The following CLSTN2 variants were observed in gnomAD, a reference collection of about 807,000 sequenced individuals.
CLSTN2 encodes the protein calsyntenin-2.
A neutral mutation model predicts 101.2 loss-of-function variants in CLSTN2; 48 were observed. The observed-to-expected ratio is 0.47, with a 90% CI of 0.38 to 0.60. The LOEUF (loss-of-function observed/expected upper bound fraction) is 0.60. CLSTN2 is among the 20% of genes least tolerant of loss of function. The pLI, the probability that CLSTN2 is intolerant of heterozygous loss-of-function variation, is 0.00. For missense variants in CLSTN2, 1,160 were observed against 1,238.2 expected (o/e 0.94, Z 0.95); for synonymous variants, 481 against 463.6 (o/e 1.04, Z -0.48).
intron 2 of CLSTN2, among the ~76,000 whole-genome samples, chr3:140,353,651 G>T (rs958893996): frequency 1.3e-5 from 2 of 152,066 alleles, no homozygotes; most frequent in Non-Finnish European, 2.9e-5. Flanking sequence ...CACCAATGAG[G>T]TCCTAGAATC....
chr3:140,434,675 C>G (rs57631355), intron 5 of CLSTN2, among the ~76,000 whole-genome samples: 4,359 of 152,286 alleles, frequency 0.029, 201 homozygotes, highest in African/African-American at 0.098. Flanking sequence ...GAGCAGGGAA[C>G]AGCATCTGCA....
intron 2 of CLSTN2, among the ~76,000 whole-genome samples, chr3:140,263,301 T>C (rs183711525): frequency 1.0e-3 from 157 of 152,136 alleles, no homozygotes; most frequent in African/African-American, 3.6e-3. Context: ...ATGTGGAGAT[T>C]AGTGAGGGTG....
chr3:139,950,011 A>C (rs1050288445), intron 1 of CLSTN2, among the ~76,000 whole-genome samples: 3 of 152,220 alleles, frequency 2.0e-5, no homozygotes, highest in African/African-American at 7.2e-5. Context: ...GGGATGCTGA[A>C]TGTGATGAGG....
intron 8 of CLSTN2, among the ~76,000 whole-genome samples, chr3:140,530,629 A>C (rs900716052): frequency 6.6e-6 from 1 of 152,268 alleles, no homozygotes; most frequent in African/African-American, 2.4e-5. Flanking sequence ...CAGCTTCAGC[A>C]GATGTGGATT....
intron 2 of CLSTN2, among the ~76,000 whole-genome samples, chr3:140,200,789 T>C (rs930299053): frequency 5.9e-5 from 9 of 152,178 alleles, no homozygotes; most frequent in African/African-American, 1.9e-4. Flanking sequence ...GTCTTTACTC[T>C]TGGACACCTC....
intron 1 of CLSTN2, among the ~76,000 whole-genome samples, chr3:140,128,567 G>A (rs35867172): frequency 0.02 from 3,098 of 152,256 alleles, 54 homozygotes; most frequent in Middle Eastern, 0.041. Flanking sequence ...AAAGGGGAGG[G>A]AATCATTAGG....
At chr3:139,974,509 C>T (rs185384103) in intron 1 of CLSTN2, among the ~76,000 whole-genome samples, 1 of 152,284 alleles carries the variant, frequency 6.6e-6, no homozygotes, top group East Asian at 1.9e-4. Context: ...CAGGGCCCAG[C>T]AAAGGGGAGA....
chr3:140,319,627 C>T (rs1025388595), intron 2 of CLSTN2, among the ~76,000 whole-genome samples: 4 of 152,186 alleles, frequency 2.6e-5, no homozygotes, highest in Non-Finnish European at 2.9e-5. Flanking sequence ...GAAATGGATG[C>T]TGGGAAGGCA....
intron 1 of CLSTN2, among the ~76,000 whole-genome samples, chr3:140,140,914 C>T (rs1189311238): frequency 6.6e-6 from 1 of 152,180 alleles, no homozygotes; most frequent in Admixed American, 6.5e-5. Flanking sequence ...CCTTAACTTA[C>T]ATAAAATATT....
intron 9 of CLSTN2, among the ~76,000 whole-genome samples, chr3:140,545,209 A>G (rs1475949347): frequency 2.0e-5 from 3 of 152,164 alleles, no homozygotes; most frequent in African/African-American, 7.2e-5. Context: ...GGCTTGAAGA[A>G]TAGCAGAGAA....
chr3:140,151,761 G>T (rs1181653738), intron 1 of CLSTN2, among the ~76,000 whole-genome samples: 1 of 152,208 alleles, frequency 6.6e-6, no homozygotes, highest in East Asian at 1.9e-4. Flanking sequence ...AAATAGCTAA[G>T]TGTCCCTAAG....
At chr3:140,543,058 C>T (rs1330178646) in intron 9 of CLSTN2, among the ~76,000 whole-genome samples, 2 of 152,154 alleles carry the variant, frequency 1.3e-5, no homozygotes, top group African/African-American at 2.4e-5. Flanking sequence ...ATCTACCTCA[C>T]AACAGTTTTA....
intron 2 of CLSTN2, among the ~76,000 whole-genome samples, chr3:140,373,721 G>A (rs555704810): frequency 1.3e-5 from 2 of 152,314 alleles, no homozygotes; most frequent in Non-Finnish European, 2.9e-5. Context: ...ACACCATCAT[G>A]TGTGAGGCTC....
intron 5 of CLSTN2, among the ~76,000 whole-genome samples, chr3:140,443,107 G>A (rs891170046): frequency 7.9e-5 from 12 of 152,242 alleles, no homozygotes; most frequent in East Asian, 1.9e-4. Flanking sequence ...CTCACTCCCC[G>A]GTATCCCAAT....
chr3:140,163,288 G>GA (rs1369619382), intron 1 of CLSTN2, among the ~76,000 whole-genome samples: 1 of 152,178 alleles, frequency 6.6e-6, no homozygotes, highest in East Asian at 1.9e-4. Context: ...TCCCGGAAAA[G>GA]AAAAAAGTTG....
rs758664484 is a variant in CLSTN2 at position 140,562,323 on chromosome 3, A to G, written c.2212+15A>G. On this transcript the variant is annotated intron_variant, in intron 13 of 16. Transcript: ENST00000458420. The stretch of plus-strand genomic sequence containing the variant: ...CTCCATCTACGGTAAGGCCACACTC[A>G]GCCCCCTTTGCCCCAAGGGTGTCCT... 6.2e-7 allele frequency: 1 copy of G among 1,606,988 alleles called. No individual in the cohort carries two copies. The highest frequency in any genetic ancestry group is 1.7e-5 in the Admixed American group (1 of 59,534).
chr3:140,428,249 A>G (rs2088593517), intron 5 of CLSTN2, among the ~76,000 whole-genome samples: 1 of 151,122 alleles, frequency 6.6e-6, no homozygotes, highest in Non-Finnish European at 1.5e-5. Flanking sequence ...ATTCTTTTTA[A>G]TCCCTTGGCC....
intron 2 of CLSTN2, among the ~76,000 whole-genome samples, chr3:140,281,099 G>C (rs893662168): frequency 6.6e-6 from 1 of 152,214 alleles, no homozygotes; most frequent in African/African-American, 2.4e-5. Flanking sequence ...GTCTAAATGG[G>C]AGTGTGAGTC....
At chr3:140,349,297 G>A (rs922484785) in intron 2 of CLSTN2, among the ~76,000 whole-genome samples, 6 of 152,288 alleles carry the variant, frequency 3.9e-5, no homozygotes, top group Admixed American at 3.9e-4. Context: ...TTTTATAGCA[G>A]CGTGAGAATG....
Sources: gnomAD v4.1 joint callset for allele counts (sites outside exome capture counted in the v4.1 genomes callset) on GRCh38, gnomAD v4.1.1 for gene constraint, MANE v1.5 for transcripts, NCBI Gene and HGNC (gene_info 2026-07-23, HGNC 2026-07-21) for gene names.